Variants in ADAM23 observed in about 807,000 individuals in gnomAD.
ADAM23 encodes disintegrin and metalloproteinase domain-containing protein 23.
A neutral mutation model predicts 120.1 loss-of-function variants in ADAM23; 33 were observed. The observed-to-expected ratio is 0.27, with a 90% confidence interval of 0.21 to 0.37. The LOEUF (loss-of-function observed/expected upper bound fraction) is 0.37. ADAM23 is among the 10% of genes least tolerant of loss of function. ADAM23 has a pLI of 1.00. For synonymous variants in ADAM23, 367 were observed against 375.2 expected (o/e 0.98, Z 0.25); for missense variants, 862 against 1,058.2 (o/e 0.81, Z 2.57).
At chr2:206,489,511 T>C (rs1403744576) in intron 3 of ADAM23, among the ~76,000 whole-genome samples, 1 of 152,204 alleles carries the variant, frequency 6.6e-6, no homozygotes, top group Non-Finnish European at 1.5e-5. Flanking sequence ...ATGATGCTGC[T>C]AACTCGAAGG....
chr2:206,562,263 A>C lies in ADAM23; in HGVS notation c.1315A>C (p.Ile439Leu), dbSNP rs2105823379. Residue 439 changes from isoleucine (I) to leucine (L), a missense_variant, in exon 13 of 26, where the codon ATC becomes CTC. By Grantham distance (5) the Ile-to-Leu change is conservative. Coordinates refer to ENST00000264377, the MANE Select transcript of ADAM23 (RefSeq NM_003812.4). ...GCAGAGCCTGGCTCAAAACCTTGGA[A>C]TCCAATGGGAACCTTCTAGCAGAAA... ...LSQSLAQNLG[I>L]QWEPSSRKPK... The C allele has an allele frequency of 6.2e-7, 1 of 1,614,064 alleles. No homozygotes were observed. The highest frequency in any genetic ancestry group is 1.1e-5 in the South Asian group (1 of 91,066).
chr2:206,586,657 T>C (rs575282813), intron 18 of ADAM23, among the ~76,000 whole-genome samples: 693 of 152,340 alleles, frequency 4.5e-3, no homozygotes, highest in Middle Eastern at 0.02. Context: ...TTTGACTTGA[T>C]CTTTTTCCAT....
At chr2:206,475,831 A>G (rs548822656) in intron 2 of ADAM23, among the ~76,000 whole-genome samples, 4 of 152,256 alleles carry the variant, frequency 2.6e-5, no homozygotes, top group African/African-American at 9.6e-5. Flanking sequence ...ATTTGAAGAT[A>G]ATGGAGTGGA....
intron 3 of ADAM23, among the ~76,000 whole-genome samples, chr2:206,494,524 G>T (rs72935480): frequency 0.011 from 1,623 of 152,300 alleles, 18 homozygotes; most frequent in Middle Eastern, 0.02. Flanking sequence ...CAGAGGAGGA[G>T]ATGGTTGAGC....
intron 7 of ADAM23, 49 bp from the exon 8 acceptor site, chr2:206,548,232 C>T: frequency 6.6e-7 from 1 of 1,518,246 alleles, no homozygotes; most frequent in Non-Finnish European, 9.1e-7. Context: ...AAAACATACT[C>T]CCATTGAAAT....
At chr2:206,556,182 C>G (rs945660043) in intron 9 of ADAM23, among the ~76,000 whole-genome samples, 5 of 151,940 alleles carry the variant, frequency 3.3e-5, no homozygotes, top group Non-Finnish European at 5.9e-5. Flanking sequence ...TTCATGAATA[C>G]TATAATAATA....
chr2:206,614,858 A>T (rs1698904484), intron 25 of ADAM23, among the ~76,000 whole-genome samples: 1 of 152,070 alleles, frequency 6.6e-6, no homozygotes. Flanking sequence ...CCATGACTGT[A>T]TCCCAGTTCA....
At chr2:206,488,819 G>T (rs1172922317) in intron 3 of ADAM23, among the ~76,000 whole-genome samples, 1 of 152,188 alleles carries the variant, frequency 6.6e-6, no homozygotes, top group Non-Finnish European at 1.5e-5. Flanking sequence ...GGTGTGGGAA[G>T]GAGAAAGACG....
chr2:206,558,346 C>T (rs1697688086), intron 10 of ADAM23, among the ~76,000 whole-genome samples: 1 of 152,040 alleles, frequency 6.6e-6, no homozygotes, highest in South Asian at 2.1e-4. Context: ...CGAAAAAAAC[C>T]CCACCATTTT....
At chr2:206,568,178 G>A (rs190062504) in intron 15 of ADAM23, among the ~76,000 whole-genome samples, 35 of 151,792 alleles carry the variant, frequency 2.3e-4, no homozygotes, top group Admixed American at 1.7e-3. Context: ...GAATATCAGC[G>A]AGCCAAAAAA....
chr2:206,482,154 A>G (rs903131261), intron 3 of ADAM23, among the ~76,000 whole-genome samples: 1 of 152,220 alleles, frequency 6.6e-6, no homozygotes, highest in Non-Finnish European at 1.5e-5. Context: ...AAGAACAACT[A>G]TTAAATTTTT....
chr2:206,443,949 G>A lies in ADAM23; in HGVS notation c.83G>A (p.Gly28Asp). 1 of 1,267,418 alleles carries A rather than the reference G, an allele frequency of 7.9e-7. No homozygotes were observed. Among genetic ancestry groups the A allele is most frequent in the Non-Finnish European group, 9.9e-7 (1 of 1,010,752 alleles). The allele number at this position is 1,267,418 out of a possible 1,614,324, so 78.5% of individuals were successfully genotyped here. A position where few individuals can be genotyped will look rare whatever the true frequency, so the allele number is the denominator to read the frequency against. Residue 28 changes from glycine to aspartate, a missense_variant, in exon 1 of 26, where the codon GGC becomes GAC. By Grantham distance (94) the Gly-to-Asp change is moderately conservative (BLOSUM62 -1). Around this residue, in one of 4 missense-constraint regions of ADAM23, gnomAD observed 225 missense variants for 204.0 expected, o/e 1.10. Coordinates refer to ENST00000264377, the MANE Select transcript of ADAM23 (RefSeq NM_003812.4). ...GGCGCTTCCTGCGGCCCCCAACGCGGCCCCGCCGGCTCGGTGCCTGCCAGC... is the reference window on the plus strand; with the variant it reads ...GGCGCTTCCTGCGGCCCCCAACGCGACCCCGCCGGCTCGGTGCCTGCCAGC... ...LAGASCGPQR[G>D]PAGSVPASAP...
chr2:206,479,334 G>C (rs1291323467), intron 2 of ADAM23, among the ~76,000 whole-genome samples: 1 of 152,130 alleles, frequency 6.6e-6, no homozygotes. Context: ...CTGAGTCTCT[G>C]TCAAGTTCTT....
intron 2 of ADAM23, 83 bp downstream of exon 2, chr2:206,445,607 C>T: frequency 1.7e-6 from 2 of 1,188,866 alleles, no homozygotes; most frequent in Non-Finnish European, 1.2e-6. Context: ...TCTGAGTTCA[C>T]AAATTTTACT....
At chr2:206,557,363 C>T in intron 9 of ADAM23, 64 bp from the exon 10 acceptor site, 2 of 1,297,742 alleles carry the variant, frequency 1.5e-6, no homozygotes, top group Non-Finnish European at 2.2e-6. Context: ...TCTGCTTTTA[C>T]AGCATTTTGA....
chr2:206,469,679 C>T (rs571304929), intron 2 of ADAM23, among the ~76,000 whole-genome samples: 2 of 152,168 alleles, frequency 1.3e-5, no homozygotes, highest in African/African-American at 2.4e-5. Context: ...ATACAGTGGC[C>T]CACAAGGTGC....
intron 11 of ADAM23, among the ~76,000 whole-genome samples, chr2:206,560,849 A>G (rs1488429598): frequency 6.6e-6 from 1 of 152,228 alleles, no homozygotes; most frequent in East Asian, 1.9e-4. Context: ...TCTACTAGAA[A>G]AAAGTCAAGA....
chr2:206,562,144 T>C (rs1186839872), intron 12 of ADAM23, 59 bp from the exon 13 acceptor site: 4 of 1,403,888 alleles, frequency 2.8e-6, no homozygotes, highest in Non-Finnish European at 4.0e-6. Context: ...TAAGAAATAA[T>C]AACTAGCTTT....
rs772280362 is a variant in ADAM23, at chr2:206,550,133, A to G, written c.906A>G (p.Glu302=). Reference sequence around the variant, plus strand: ...TATTTGAAGAAATGAAATATTTGGAACTTATGATTGTTAATGATCACAAAA... The same window carrying G: ...TATTTGAAGAAATGAAATATTTGGAGCTTATGATTGTTAATGATCACAAAA... ...RGIFEEMKYL[E]LMIVNDHKTY... is the part of the protein sequence containing the mutation. The change falls in exon 9 of 26, where the codon GAA becomes GAG. Residue 302 remains glutamate (E), a synonymous_variant. Coordinates refer to ENST00000264377, the MANE Select transcript of ADAM23 (RefSeq NM_003812.4). The G allele has an allele frequency of 6.3e-7, 1 of 1,586,084 alleles. No homozygotes were observed.
Sources: gnomAD v4.1 joint callset for allele counts (sites outside exome capture counted in the v4.1 genomes callset) on GRCh38, gnomAD v4.1.1 for gene constraint, gnomAD v4.1.1 regional missense constraint, MANE v1.5 for transcripts, NCBI Gene and HGNC (gene_info 2026-07-23, HGNC 2026-07-21) for gene names.